Variants in TMEM132D observed in about 807,000 individuals in gnomAD.
The protein encoded by TMEM132D is mature OL transmembrane protein.
A neutral mutation model predicts 62.3 loss-of-function variants in TMEM132D; 21 were observed. That is an observed-to-expected ratio of 0.34 (90% confidence interval 0.24 to 0.49). TMEM132D has a LOEUF of 0.49. Among genes scored for constraint, TMEM132D ranks in the 20% least tolerant of loss-of-function variants. TMEM132D has a pLI of 0.99. For missense variants in TMEM132D, 1,346 were observed against 1,402.8 expected, an observed-to-expected ratio of 0.96 and a Z score of 0.65; for synonymous variants, 621 against 575.6, an observed-to-expected ratio of 1.08 and a Z score of -1.13.
intron 2 of TMEM132D, among the ~76,000 whole-genome samples, chr12:129,655,010 C>T (rs1880035061): frequency 2.0e-5 from 3 of 151,824 alleles, no homozygotes; most frequent in Admixed American, 6.6e-5. Flanking sequence ...TGCAGTGGCA[C>T]GATCTCAGCT....
At chr12:129,367,449 T>C (rs1373388108) in intron 3 of TMEM132D, among the ~76,000 whole-genome samples, 1 of 152,094 alleles carries the variant, frequency 6.6e-6, no homozygotes, top group Non-Finnish European at 1.5e-5. Flanking sequence ...CAGCAGCCAA[T>C]TGCATTACAG....
chr12:129,136,560 TAAC>T (rs1876563167), intron 5 of TMEM132D, among the ~76,000 whole-genome samples: 1 of 152,238 alleles, frequency 6.6e-6, no homozygotes, highest in African/African-American at 2.4e-5. Flanking sequence ...GGCACTACTT[TAAC>T]AACACTATTT....
chr12:129,316,344 C>T (rs906786288), intron 4 of TMEM132D, among the ~76,000 whole-genome samples: 1 of 152,010 alleles, frequency 6.6e-6, no homozygotes, highest in Non-Finnish European at 1.5e-5. Flanking sequence ...ATTGGTTGTG[C>T]CATTATTGTC....
In TMEM132D at chr12:129,876,196, G is replaced by C. The variant is rs539577180; in HGVS notation, c.79+27065C>G. On this transcript the variant is annotated intron_variant, in intron 1 of 8. Transcript: ENST00000422113. Reference sequence around the variant, plus strand: ...TAGATTCTTACTACTAAAGCAGCAAGAAGTGAGCCGAGAAATGTTATTTCC... The same window carrying C: ...TAGATTCTTACTACTAAAGCAGCAACAAGTGAGCCGAGAAATGTTATTTCC... Among the ~76,000 whole-genome samples the C allele has an allele frequency of 1.9e-3, 291 of 152,118 alleles. 1 individual carries two copies. Among genetic ancestry groups the C allele is most frequent in the African/African-American group, 6.8e-3 (280 of 41,476 alleles).
In TMEM132D at chr12:129,779,408, C is replaced by T. The variant is rs997033708; in HGVS notation, c.80-78710G>A. Among the ~76,000 whole-genome samples, 14 of 152,130 alleles carry T rather than the reference C, an allele frequency of 9.2e-5. No homozygotes were observed. Among genetic ancestry groups the T allele is most frequent in the African/African-American group, 3.4e-4 (14 of 41,412 alleles). ...GGTTCAGGTGATCCTCCCACCTCAG[C>T]CTCCCAAGTAGCAGGAACTGCAGGT... On this transcript the variant is annotated intron_variant, in intron 1 of 8. Transcript: ENST00000422113. The surrounding 1 kb of genome is among the most constrained non-coding windows in gnomAD (Gnocchi z 4.1).
rs115235374 is a variant in TMEM132D at position 129,257,125 on chromosome 12, C to T, written c.1300-47462G>A. Reference sequence around the variant, plus strand: ...AGAAATAAACTCAAGGTAAACTGAGCTGGCCAGTGGCAGATGAGTCAATTG... The same window carrying T: ...AGAAATAAACTCAAGGTAAACTGAGTTGGCCAGTGGCAGATGAGTCAATTG... On this transcript the variant is annotated intron_variant, in intron 4 of 8. Coordinates refer to ENST00000422113, the MANE Select transcript of TMEM132D (RefSeq NM_133448.3). 6.6e-3 allele frequency among the ~76,000 whole-genome samples: 1,005 copies of T among 151,840 alleles called. 10 individuals are homozygous for T. Among genetic ancestry groups the T allele is most frequent in the African/African-American group, 0.023 (946 of 41,370 alleles).
At chr12:129,210,273 G>A (rs1878999249) in intron 4 of TMEM132D, 1 of 152,536 alleles carries the variant, frequency 6.6e-6, no homozygotes, top group African/African-American at 2.4e-5. Context: ...CGAGGTATGT[G>A]AGGGAGACAA....
intron 3 of TMEM132D, among the ~76,000 whole-genome samples, chr12:129,421,771 C>T (rs562176660): frequency 2.0e-5 from 3 of 152,236 alleles, no homozygotes; most frequent in African/African-American, 4.8e-5. Context: ...ACATAGCAAA[C>T]ATTTTTCTTC....
At chr12:129,510,949 A>C in intron 3 of TMEM132D, among the ~76,000 whole-genome samples, 1 of 152,140 alleles carries the variant, frequency 6.6e-6, no homozygotes, top group East Asian at 1.9e-4. Flanking sequence ...AGGTTACTAT[A>C]GCTCAGTAGT....
Position 129,426,252 on chromosome 12 carries a change from C to T in TMEM132D, c.1116-88435G>A, listed in dbSNP as rs563167996. Among the ~76,000 whole-genome samples the T allele has an allele frequency of 4.4e-4, 67 of 152,184 alleles. 2 individuals carry two copies. The South Asian group carries it at 0.014, about 31-fold the overall frequency. On this transcript the variant is annotated intron_variant, in intron 3 of 8. Transcript: ENST00000422113. The stretch of plus-strand genomic sequence containing the variant: ...TGGCTACACCATCTCCCTCCCCCTG[C>T]CAATATTTAGGAAGGGAAATTATGA...
intron 4 of TMEM132D, among the ~76,000 whole-genome samples, chr12:129,215,748 C>G (rs1879182343): frequency 1.3e-5 from 2 of 152,196 alleles, no homozygotes; most frequent in South Asian, 4.1e-4. Flanking sequence ...GTAATTTATA[C>G]AGAAAAAGAG....
chr12:129,681,815 G>A (rs1317470974), intron 2 of TMEM132D, among the ~76,000 whole-genome samples: 1 of 152,160 alleles, frequency 6.6e-6, no homozygotes, highest in African/African-American at 2.4e-5. Flanking sequence ...TTGAGTGGGA[G>A]GGGACTCTGC....
chr12:129,629,086 T>C (rs1010667646), intron 2 of TMEM132D, among the ~76,000 whole-genome samples: 5 of 152,004 alleles, frequency 3.3e-5, no homozygotes, highest in Non-Finnish European at 7.4e-5. Flanking sequence ...ACCCAAGACT[T>C]ACCCACCTTC....
At chr12:129,585,829 G>GTA (rs780098870) in intron 2 of TMEM132D, among the ~76,000 whole-genome samples, 1 of 151,334 alleles carries the variant, frequency 6.6e-6, no homozygotes, top group African/African-American at 2.4e-5. Flanking sequence ...GTGTGTGTGT[G>GTA]TGTGTGTGTG....
intron 4 of TMEM132D, among the ~76,000 whole-genome samples, chr12:129,300,907 C>T (rs765292714): frequency 1.3e-5 from 2 of 152,178 alleles, no homozygotes; most frequent in African/African-American, 4.8e-5. Context: ...TGGTGCTTCA[C>T]TTCAACCTTT....
intron 1 of TMEM132D, among the ~76,000 whole-genome samples, chr12:129,800,136 A>C (rs1871718381): frequency 6.6e-6 from 1 of 152,146 alleles, no homozygotes; most frequent in Non-Finnish European, 1.5e-5. Context: ...CTAACAAGAG[A>C]GTCTCTTATC....
At chr12:129,768,520 T>C (rs1376002224) in intron 1 of TMEM132D, among the ~76,000 whole-genome samples, 1 of 151,956 alleles carries the variant, frequency 6.6e-6, no homozygotes, top group Non-Finnish European at 1.5e-5. Context: ...ATATATGATT[T>C]AGGAGTTCTA....
At chr12:129,200,990 T>C (rs1878689971) in intron 5 of TMEM132D, among the ~76,000 whole-genome samples, 1 of 152,204 alleles carries the variant, frequency 6.6e-6, no homozygotes, top group East Asian at 1.9e-4. Flanking sequence ...TGTCAAGCTT[T>C]ATACACCTGA....
chr12:129,396,153 A>AATG (rs113335403), intron 3 of TMEM132D, among the ~76,000 whole-genome samples: 11,992 of 151,772 alleles, frequency 0.079, 1,124 homozygotes, highest in African/African-American at 0.23. Flanking sequence ...AAAATAGTGG[A>AATG]ATATGTTCAC....
Sources: allele counts gnomAD v4.1 joint callset (sites outside exome capture counted in the v4.1 genomes callset), GRCh38; gene constraint gnomAD v4.1.1; non-coding constraint Gnocchi (gnomAD v3.1); transcripts MANE v1.5; gene names NCBI Gene and HGNC (gene_info 2026-07-23, HGNC 2026-07-21).